PCDH7: variants seen among roughly 807,000 people sequenced by gnomAD.
PCDH7 encodes the protein protocadherin-7.
A neutral mutation model predicts 58.9 loss-of-function variants in PCDH7; 17 were observed. The observed-to-expected ratio is 0.29, with a 90% CI of 0.20 to 0.43. The LOEUF (loss-of-function observed/expected upper bound fraction) is 0.43. Ranked by LOEUF, PCDH7 falls within the 20% of genes least tolerant of loss-of-function variation. The pLI is 1.00. For missense variants in PCDH7, 1,274 were observed against 1,441.0 expected (o/e 0.88, Z 1.88); for synonymous variants, 664 against 616.4 (o/e 1.08, Z -1.14).
intron 1 of PCDH7, among the ~76,000 whole-genome samples, chr4:30,787,051 C>T (rs1005624347): frequency 6.6e-6 from 1 of 152,048 alleles, no homozygotes; most frequent in African/African-American, 2.4e-5. Flanking sequence ...AGAGGTTTTG[C>T]AATCTTATCA....
chr4:30,914,675 C>A (rs1308854619), intron 1 of PCDH7, among the ~76,000 whole-genome samples: 1 of 152,132 alleles, frequency 6.6e-6, no homozygotes, highest in Non-Finnish European at 1.5e-5. Flanking sequence ...GGCCATAACT[C>A]TAGTTATATA....
At chr4:30,813,971 A>G (rs1442992211) in intron 1 of PCDH7, among the ~76,000 whole-genome samples, 2 of 152,178 alleles carry the variant, frequency 1.3e-5, no homozygotes, top group Non-Finnish European at 2.9e-5. Context: ...AATTGGGTTA[A>G]TTATTTGAAA....
At chr4:30,999,633 G>A (rs1166739842) in intron 3 of PCDH7, among the ~76,000 whole-genome samples, 4 of 152,148 alleles carry the variant, frequency 2.6e-5, no homozygotes, top group East Asian at 3.9e-4. Flanking sequence ...GTAAAGACAC[G>A]GGACCAAACG....
At chr4:30,748,474 G>A (rs1350569968) in intron 1 of PCDH7, among the ~76,000 whole-genome samples, 1 of 152,172 alleles carries the variant, frequency 6.6e-6, no homozygotes. Flanking sequence ...CATCGTGAGT[G>A]AGCACATTAG....
chr4:30,990,622 G>T (rs1751387371), intron 3 of PCDH7, among the ~76,000 whole-genome samples: 1 of 152,010 alleles, frequency 6.6e-6, no homozygotes, highest in African/African-American at 2.4e-5. Flanking sequence ...AATCGGCTTT[G>T]GCAAACCACT....
intron 1 of PCDH7, among the ~76,000 whole-genome samples, chr4:30,805,243 C>T (rs1213601590): frequency 2.0e-5 from 3 of 152,108 alleles, no homozygotes. Context: ...AGTACAAGTC[C>T]TCAGTACAAG....
intron 2 of PCDH7, 120 bp downstream of exon 2, chr4:30,920,489 G>A: frequency 1.9e-6 from 1 of 535,866 alleles, no homozygotes; most frequent in Non-Finnish European, 2.9e-6. Flanking sequence ...TTTATTTTAA[G>A]TGATAAATAT....
At chr4:31,042,234 TAGG>T (rs1172224653) in intron 3 of PCDH7, among the ~76,000 whole-genome samples, 1 of 152,170 alleles carries the variant, frequency 6.6e-6, no homozygotes, top group Non-Finnish European at 1.5e-5. Context: ...CTAGATAAGA[TAGG>T]AGGATAGCAA....
At chr4:30,902,561 G>A (rs1191414643) in intron 1 of PCDH7, among the ~76,000 whole-genome samples, 2 of 151,972 alleles carry the variant, frequency 1.3e-5, no homozygotes, top group Non-Finnish European at 2.9e-5. Context: ...ATTTTAATAG[G>A]CTATAATAAA....
chr4:31,068,303 T>TA (rs113645985), intron 3 of PCDH7, among the ~76,000 whole-genome samples: 10,591 of 142,814 alleles, frequency 0.074, 496 homozygotes, highest in Middle Eastern at 0.13. Flanking sequence ...AAAACTGCTC[T>TA]AAAAAAAAAA....
intron 3 of PCDH7, among the ~76,000 whole-genome samples, chr4:31,125,254 G>A (rs1439589961): frequency 2.0e-5 from 3 of 152,162 alleles, no homozygotes; most frequent in Non-Finnish European, 4.4e-5. Flanking sequence ...AGTCACATCC[G>A]AGTGTGGTTT....
intron 1 of PCDH7, among the ~76,000 whole-genome samples, chr4:30,915,387 A>C (rs1292601118): frequency 6.6e-6 from 1 of 152,156 alleles, no homozygotes; most frequent in Non-Finnish European, 1.5e-5. Flanking sequence ...GATAAATCCA[A>C]TGGGCATGTG....
At chr4:30,760,286 T>C (rs1451110485) in intron 1 of PCDH7, among the ~76,000 whole-genome samples, 2 of 152,148 alleles carry the variant, frequency 1.3e-5, no homozygotes, top group Non-Finnish European at 2.9e-5. Context: ...AAAACACTTA[T>C]CAAGGTCCAC....
intron 3 of PCDH7, among the ~76,000 whole-genome samples, chr4:31,017,609 A>G (rs992511320): frequency 2.6e-5 from 4 of 152,182 alleles, no homozygotes; most frequent in African/African-American, 7.2e-5. Flanking sequence ...ACACATACCT[A>G]CATACACACT....
At chr4:31,120,388 A>ATT (rs137987021) in intron 3 of PCDH7, among the ~76,000 whole-genome samples, 6 of 75,716 alleles carry the variant, frequency 7.9e-5, no homozygotes, top group African/African-American at 2.5e-4. Flanking sequence ...AGCTTCCTCC[A>ATT]TTTTTTTTTT....
chr4:31,094,652 G>A (rs1343300291), intron 3 of PCDH7, among the ~76,000 whole-genome samples: 2 of 133,170 alleles, frequency 1.5e-5, no homozygotes, highest in African/African-American at 6.9e-5. Context: ...GAGGCAAATG[G>A]AACTGGGGAG....
chr4:30,890,715 T>C (rs1738498219), intron 1 of PCDH7, among the ~76,000 whole-genome samples: 1 of 151,992 alleles, frequency 6.6e-6, no homozygotes, highest in Non-Finnish European at 1.5e-5. Flanking sequence ...ATGGAATGCA[T>C]AAGATATTTA....
intron 1 of PCDH7, chr4:30,869,138 A>G (rs1381826369): frequency 6.6e-6 from 1 of 152,086 alleles, no homozygotes; most frequent in African/African-American, 2.4e-5. Flanking sequence ...ACGCAGCAGC[A>G]TGCCACCCCA....
chr4:30,858,470 G>A (rs1158754807), intron 1 of PCDH7, among the ~76,000 whole-genome samples: 1 of 151,998 alleles, frequency 6.6e-6, no homozygotes, highest in African/African-American at 2.4e-5. Context: ...GCTAGCATAA[G>A]TTTTTCTTTG....
Sources: allele counts gnomAD v4.1 joint callset (sites outside exome capture counted in the v4.1 genomes callset), GRCh38; gene constraint gnomAD v4.1.1; transcripts MANE v1.5; gene names NCBI Gene and HGNC (gene_info 2026-07-23, HGNC 2026-07-21).